The following PI4K2B variants were observed in gnomAD, a reference collection of about 807,000 sequenced individuals.
The protein encoded by PI4K2B is phosphatidylinositol 4-kinase type 2-beta.
In PI4K2B, 46 loss-of-function variants were observed where a neutral mutation model predicts 56.6. That is an observed-to-expected ratio of 0.81 (90% CI 0.64 to 1.04). The LOEUF (loss-of-function observed/expected upper bound fraction) is 1.04. Ranked by LOEUF, PI4K2B falls within the 50% of genes least tolerant of loss-of-function variation. The pLI is 0.00. For synonymous variants in PI4K2B, 211 were observed against 223.8 expected (o/e 0.94, Z 0.51); for missense variants, 556 against 607.7 (o/e 0.91, Z 0.89).
intron 9 of PI4K2B, among the ~76,000 whole-genome samples, chr4:25,275,577 T>G (rs1487358115): frequency 6.6e-6 from 1 of 152,060 alleles, no homozygotes; most frequent in African/African-American, 2.4e-5. Context: ...GGAGGATCGC[T>G]TGAGCCCAGG....
chr4:25,262,014 G>A (rs942399288), intron 6 of PI4K2B, among the ~76,000 whole-genome samples: 1 of 152,150 alleles, frequency 6.6e-6, no homozygotes, highest in Non-Finnish European at 1.5e-5. Context: ...TAAGCTCCTG[G>A]GCTGGGCACA....
At chr4:25,234,593 C>G (rs867126158) in intron 1 of PI4K2B, among the ~76,000 whole-genome samples, 162 bp downstream of exon 1, 6 of 152,234 alleles carry the variant, frequency 3.9e-5, no homozygotes, top group Middle Eastern at 3.2e-3. Context: ...GCAGCCGCAC[C>G]GCGGGCACCT....
Position 25,263,738 on chromosome 4 carries a change from T to C in PI4K2B, c.979-12T>C. On this transcript the variant is annotated splice_polypyrimidine_tract_variant and intron_variant, in intron 6 of 9. Transcript: ENST00000264864. ...GGTTCTTTTATCAACATATCATTTT[T>C]CTACTCTATAGGAATCAAAATGGAT... 1.0e-6 allele frequency: 1 copy of C among 969,744 alleles called. No individual in the cohort carries two copies. The highest frequency in any genetic ancestry group is 1.6e-6 in the Non-Finnish European group (1 of 609,170). The allele number at this position is 969,744 out of a possible 1,614,324, so 60.1% of individuals were successfully genotyped here. A position where few individuals can be genotyped will look rare whatever the true frequency, so the allele number is the denominator to read the frequency against.
intron 1 of PI4K2B, among the ~76,000 whole-genome samples, chr4:25,242,736 A>T (rs1489673979): frequency 1.3e-5 from 2 of 152,198 alleles, no homozygotes; most frequent in Non-Finnish European, 2.9e-5. Context: ...GCCTTACCAG[A>T]TATTGCCTTT....
chr4:25,260,503 T>C, intron 5 of PI4K2B, 21 bp from the exon 6 acceptor site: 1 of 1,224,218 alleles, frequency 8.2e-7, no homozygotes, highest in Non-Finnish European at 1.1e-6. Flanking sequence ...AAGTAACAGA[T>C]TTTCTTGTTT....
At chr4:25,240,117 C>T (rs1216904256) in intron 1 of PI4K2B, among the ~76,000 whole-genome samples, 1 of 152,172 alleles carries the variant, frequency 6.6e-6, no homozygotes, top group East Asian at 1.9e-4. Flanking sequence ...GCCACAGGAC[C>T]TAGAAAGGGG....
intron 6 of PI4K2B, among the ~76,000 whole-genome samples, chr4:25,260,803 A>T (rs578017082): frequency 6.8e-6 from 1 of 147,550 alleles, no homozygotes; most frequent in East Asian, 2.0e-4. Context: ...TTTTAAATCT[A>T]CTGTCTCTGT....
At chr4:25,234,787 C>G (rs531050399) in intron 1 of PI4K2B, among the ~76,000 whole-genome samples, 158 of 152,352 alleles carry the variant, frequency 1.0e-3, no homozygotes, top group Non-Finnish European at 1.2e-3. Flanking sequence ...AATTAAGAAC[C>G]TTGAACTCTC....
At chr4:25,249,229 A>G (rs1715926471) in intron 1 of PI4K2B, among the ~76,000 whole-genome samples, 1 of 152,220 alleles carries the variant, frequency 6.6e-6, no homozygotes, top group Non-Finnish European at 1.5e-5. Flanking sequence ...CAGACACAGT[A>G]ACAATCTGAT....
chr4:25,256,745 A>G (rs915557797), intron 4 of PI4K2B, 71 bp downstream of exon 4: 3 of 1,362,390 alleles, frequency 2.2e-6, no homozygotes, highest in Admixed American at 2.0e-5. Context: ...GGAGCCAGGC[A>G]TTGTGCTATT....
chr4:25,234,735 A>G (rs1400588179), intron 1 of PI4K2B, among the ~76,000 whole-genome samples: 1 of 152,216 alleles, frequency 6.6e-6, no homozygotes, highest in Admixed American at 6.5e-5. Flanking sequence ...TTAACGCTGT[A>G]AAATGACGTA....
In PI4K2B at chr4:25,268,458, C is replaced by T; in HGVS notation, c.1094C>T (p.Ala365Val). ...DEWRAYPFHWAWLPQAKVPFS... is the reference protein window; with the variant it reads ...DEWRAYPFHWVWLPQAKVPFS... The stretch of plus-strand genomic sequence containing the variant: ...TTTCTATTAGATCCATTTCACTGGG[C>T]TTGGCTTCCTCAAGCAAAAGTTCCC... Residue 365 changes from alanine (A) to valine (V), a missense_variant, in exon 8 of 10, where the codon GCT (alanine) becomes GTT (valine). Physicochemically the swap from Ala to Val is moderately conservative, Grantham distance 64. Coordinates refer to ENST00000264864, the MANE Select transcript of PI4K2B (RefSeq NM_018323.4). The T allele has an allele frequency of 1.2e-6, 2 of 1,605,292 alleles. No individual in the cohort carries two copies. The highest frequency in any genetic ancestry group is 1.7e-6 in the Non-Finnish European group (2 of 1,175,892).
intron 1 of PI4K2B, among the ~76,000 whole-genome samples, chr4:25,245,722 C>G (rs1055667137): frequency 6.6e-6 from 1 of 152,058 alleles, no homozygotes; most frequent in Admixed American, 6.5e-5. Flanking sequence ...GAAAGGGGTC[C>G]GATGGCACTC....
chr4:25,259,737 T>G (rs1643874324), intron 5 of PI4K2B, among the ~76,000 whole-genome samples: 1 of 152,068 alleles, frequency 6.6e-6, no homozygotes, highest in African/African-American at 2.4e-5. Flanking sequence ...TCTCATAATG[T>G]TTCAAGAAAG....
intron 1 of PI4K2B, among the ~76,000 whole-genome samples, chr4:25,240,715 G>A (rs1715480555): frequency 1.3e-5 from 2 of 152,156 alleles, no homozygotes; most frequent in African/African-American, 4.8e-5. Flanking sequence ...AGGGTATGCT[G>A]TTTTTCTTTA....
intron 1 of PI4K2B, among the ~76,000 whole-genome samples, chr4:25,248,846 G>C (rs1715908901): frequency 1.3e-5 from 2 of 151,470 alleles, no homozygotes; most frequent in Admixed American, 1.3e-4. Flanking sequence ...GATCATTCTT[G>C]GGTGTTTCTC....
chr4:25,252,663 A>C (rs1179119258), intron 2 of PI4K2B, among the ~76,000 whole-genome samples, 188 bp downstream of exon 2: 2 of 152,094 alleles, frequency 1.3e-5, no homozygotes, highest in Non-Finnish European at 2.9e-5. Context: ...CCCAGGCTGG[A>C]GTGCAGTGGT....
chr4:25,277,181 C>G lies in PI4K2B; in HGVS notation c.1440C>G (p.Ser480=), dbSNP rs762831787. Residue 480 remains serine (S), a synonymous_variant, in exon 10 of 10, where the codon TCC becomes TCG. Transcript: ENST00000264864. ...ATTGCAGGAAGCCATTTTTTTCCTCCTGGTAGTAAATGTCAGAGTAAGAGA... is the reference window on the plus strand; with the variant it reads ...ATTGCAGGAAGCCATTTTTTTCCTCGTGGTAGTAAATGTCAGAGTAAGAGA... ...TVNCRKPFFS[S]W is the part of the protein sequence containing the mutation. The G allele has an allele frequency of 1.2e-6, 2 of 1,610,780 alleles. No individual in the cohort carries two copies. The highest frequency in any genetic ancestry group is 3.3e-5 in the Admixed American group (2 of 59,946).
chr4:25,243,888 G>A (rs938899759), intron 1 of PI4K2B, among the ~76,000 whole-genome samples: 6 of 152,170 alleles, frequency 3.9e-5, no homozygotes, highest in Admixed American at 1.3e-4. Flanking sequence ...CCATACTGGG[G>A]ATGGCTTGCT....
Sources: gnomAD v4.1 joint callset for allele counts (sites outside exome capture counted in the v4.1 genomes callset) on GRCh38, gnomAD v4.1.1 for gene constraint, MANE v1.5 for transcripts, NCBI Gene and HGNC (gene_info 2026-07-23, HGNC 2026-07-21) for gene names.